Variants in ABLIM3 observed in about 807,000 individuals in gnomAD.
ABLIM3 encodes actin binding LIM protein family member 3.
Under a neutral mutation model 109.5 loss-of-function variants are expected in ABLIM3, and 61 were observed. The observed-to-expected ratio is 0.56, with a 90% confidence interval of 0.45 to 0.69. The LOEUF is 0.69. ABLIM3 is among the 30% of genes least tolerant of loss of function. ABLIM3 has a pLI of 0.00. For missense variants in ABLIM3, 796 were observed against 889.5 expected, an observed-to-expected ratio of 0.89 and a Z score of 1.34; for synonymous variants, 300 against 324.8, an observed-to-expected ratio of 0.92 and a Z score of 0.82.
chr5:149,209,906 T>C (rs371186585), intron 6 of ABLIM3, among the ~76,000 whole-genome samples: 7 of 152,316 alleles, frequency 4.6e-5, no homozygotes, highest in African/African-American at 1.7e-4. Flanking sequence ...AGCTTCGAGA[T>C]GGAAAAGTGA....
chr5:149,216,928 G>A (rs1221359452), intron 7 of ABLIM3, 31 bp from the exon 8 acceptor site: 1 of 1,599,492 alleles, frequency 6.3e-7, no homozygotes, highest in East Asian at 2.2e-5. Flanking sequence ...CCCTGGCTCT[G>A]ACCTCCTGTT....
At chr5:149,183,250 C>T (rs1384570336) in intron 2 of ABLIM3, among the ~76,000 whole-genome samples, 1 of 152,176 alleles carries the variant, frequency 6.6e-6, no homozygotes, top group Non-Finnish European at 1.5e-5. Context: ...TCCTTGCCTG[C>T]TTAAGGAGGG....
At chr5:149,200,520 G>C in intron 5 of ABLIM3, 92 bp downstream of exon 5, 4 of 1,353,698 alleles carry the variant, frequency 3.0e-6, no homozygotes, top group Non-Finnish European at 3.1e-6. Flanking sequence ...CACGGGCCTG[G>C]AGGGAAGTGG....
At chr5:149,206,974 G>C in intron 5 of ABLIM3, 34 bp from the exon 6 acceptor site, 1 of 1,607,680 alleles carries the variant, frequency 6.2e-7, no homozygotes, top group South Asian at 1.1e-5. Flanking sequence ...AGGGCCCAGG[G>C]TGCTTTGCTC....
intron 2 of ABLIM3, among the ~76,000 whole-genome samples, chr5:149,164,501 A>C (rs1754655391): frequency 6.6e-6 from 1 of 152,232 alleles, no homozygotes. Context: ...CCAGACCCAC[A>C]GGATGAACAT....
chr5:149,252,120 T>G, intron 21 of ABLIM3, 81 bp from the exon 22 acceptor site: 1 of 1,529,068 alleles, frequency 6.5e-7, no homozygotes, highest in Non-Finnish European at 9.0e-7. Flanking sequence ...CCTGAGAGAG[T>G]AGGACAGAGG....
At chr5:149,217,862 C>A (rs1760253918) in intron 8 of ABLIM3, 1 of 152,272 alleles carries the variant, frequency 6.6e-6, no homozygotes, top group Non-Finnish European at 1.5e-5. Flanking sequence ...ATGATTGTTT[C>A]TTGAGCCCTG....
intron 7 of ABLIM3, among the ~76,000 whole-genome samples, chr5:149,213,952 G>A (rs781696894): frequency 3.4e-5 from 5 of 149,176 alleles, no homozygotes; most frequent in Non-Finnish European, 7.4e-5. Flanking sequence ...TAGAGACAGA[G>A]CTAAAATCTA....
chr5:149,223,058 A>T (rs1760817439), intron 8 of ABLIM3, among the ~76,000 whole-genome samples: 1 of 152,122 alleles, frequency 6.6e-6, no homozygotes, highest in Non-Finnish European at 1.5e-5. Flanking sequence ...TACTTCCTGA[A>T]GTCTGACTCT....
intron 5 of ABLIM3, among the ~76,000 whole-genome samples, chr5:149,205,475 C>T (rs1758881343): frequency 1.3e-5 from 2 of 152,132 alleles, no homozygotes; most frequent in East Asian, 3.9e-4. Context: ...TATTAGTGAC[C>T]TAGAAAGCTT....
intron 15 of ABLIM3, chr5:149,244,317 T>G (rs1753140146): frequency 6.4e-6 from 1 of 156,054 alleles, no homozygotes. Flanking sequence ...TGCCCAGTGT[T>G]ACAGCTGAGT....
chr5:149,169,209 A>C (rs1444515885), intron 2 of ABLIM3, among the ~76,000 whole-genome samples: 2 of 151,662 alleles, frequency 1.3e-5, no homozygotes, highest in Middle Eastern at 3.5e-3. Flanking sequence ...GACAGCCCCC[A>C]GCTAAAACTG....
chr5:149,190,232 G>T (rs1215973405), intron 3 of ABLIM3, among the ~76,000 whole-genome samples: 3 of 152,214 alleles, frequency 2.0e-5, no homozygotes, highest in Non-Finnish European at 4.4e-5. Context: ...GGAGTGATTT[G>T]TAATGGGTTT....
At chr5:149,203,350 G>C (rs1758659874) in intron 5 of ABLIM3, among the ~76,000 whole-genome samples, 2 of 151,524 alleles carry the variant, frequency 1.3e-5, no homozygotes, top group Admixed American at 6.6e-5. Flanking sequence ...TGCTAACACT[G>C]ATTGACTGTT....
intron 17 of ABLIM3, 186 bp from the exon 18 acceptor site, chr5:149,247,596 C>A: frequency 1.2e-6 from 1 of 834,648 alleles, no homozygotes; most frequent in Non-Finnish European, 2.0e-6. Context: ...CACAGGACAA[C>A]TTGTGGAAGA....
At chr5:149,211,300 G>A (rs963028490) in intron 7 of ABLIM3, among the ~76,000 whole-genome samples, 3 of 152,092 alleles carry the variant, frequency 2.0e-5, no homozygotes, top group Admixed American at 1.3e-4. Context: ...CCTCTCCCCA[G>A]CCTTTGATGT....
At chr5:149,164,278 A>G (rs1047131214) in intron 2 of ABLIM3, 1 of 152,222 alleles carries the variant, frequency 6.6e-6, no homozygotes, top group African/African-American at 2.4e-5. Context: ...CAGCTGTCAC[A>G]TTTATGCTGA....
intron 5 of ABLIM3, among the ~76,000 whole-genome samples, chr5:149,204,098 T>C (rs933828991): frequency 3.3e-5 from 5 of 152,276 alleles, no homozygotes; most frequent in Non-Finnish European, 5.9e-5. Flanking sequence ...TTGCTATGAC[T>C]CACAAAACCC....
intron 2 of ABLIM3, among the ~76,000 whole-genome samples, chr5:149,154,963 T>G (rs1580996984): frequency 6.6e-6 from 1 of 152,342 alleles, no homozygotes. Context: ...GAAGAGATAT[T>G]TGGCTCCAAA....
Sources: gnomAD v4.1 joint callset for allele counts (sites outside exome capture counted in the v4.1 genomes callset) on GRCh38, gnomAD v4.1.1 for gene constraint, MANE v1.5 for transcripts, NCBI Gene and HGNC (gene_info 2026-07-23, HGNC 2026-07-21) for gene names.